Variants in NAV2 observed in about 807,000 individuals in gnomAD.
The protein encoded by NAV2 is helicase, APC down-regulated 1.
In NAV2, 54 loss-of-function variants were observed where a neutral mutation model predicts 223.2. The observed-to-expected ratio is 0.24, with a 90% CI of 0.19 to 0.30. The LOEUF (loss-of-function observed/expected upper bound fraction) is 0.30, where lower values mean the gene tolerates loss of function less well. Among genes scored for constraint, NAV2 ranks in the 10% least tolerant of loss-of-function variants. The probability of loss-of-function intolerance (pLI) is 1.00; values close to 1 mark genes in which losing one functional copy is unlikely to be tolerated. For missense variants in NAV2, 2,806 were observed against 3,147.5 expected (o/e 0.89, Z 2.60); for synonymous variants, 1,279 against 1,239.3 (o/e 1.03, Z -0.67).
At position 20,080,164 on chromosome 11, in the gene NAV2, C is replaced by T; in HGVS notation, c.5280C>T (p.Gly1760=). 1 of 1,613,968 alleles carries T rather than the reference C, an allele frequency of 6.2e-7. No homozygotes were observed. The highest frequency in any genetic ancestry group is 8.5e-7 in the Non-Finnish European group (1 of 1,179,916). Residue 1760 remains glycine, a synonymous_variant, in exon 25 of 38, where the codon GGC becomes GGT. Transcript: ENST00000349880. ...INSATSHSSV[G]SNIESDSKKK... ...GTGCCACCAGCCACTCCAGCGTGGG[C>T]AGCAACATAGAGAGTGACTCAAAGA...
chr11:19,799,188 G>A (rs1029071641), intron 1 of NAV2, among the ~76,000 whole-genome samples: 3 of 152,166 alleles, frequency 2.0e-5, no homozygotes, highest in Non-Finnish European at 2.9e-5. Flanking sequence ...GATTGAAAGC[G>A]TTCTTATGCC....
intron 1 of NAV2, 163 bp downstream of exon 1, chr11:19,714,125 TG>T: frequency 9.3e-7 from 1 of 1,075,672 alleles, no homozygotes; most frequent in Non-Finnish European, 1.3e-6. Context: ...GCGAGGAGAG[TG>T]GGCCGGCCGG....
chr11:19,531,212 G>A (rs908216740), intron 1 of NAV2, among the ~76,000 whole-genome samples: 9 of 152,134 alleles, frequency 5.9e-5, no homozygotes, highest in Admixed American at 1.3e-4. Flanking sequence ...ATTCTGGTAG[G>A]GGAAACAGAA....
chr11:20,048,039 A>G (rs10833230), intron 14 of NAV2, among the ~76,000 whole-genome samples: 150,959 of 152,322 alleles, frequency 0.99, 74,818 homozygotes, highest in East Asian at 1. Context: ...GACATAGAAT[A>G]GCATTTCTGT....
intron 1 of NAV2, among the ~76,000 whole-genome samples, chr11:19,487,403 T>A (rs1467921362): frequency 6.6e-6 from 1 of 152,150 alleles, no homozygotes; most frequent in Non-Finnish European, 1.5e-5. Context: ...TATTCACCCC[T>A]CGGGTAATCC....
intron 1 of NAV2, among the ~76,000 whole-genome samples, chr11:19,397,425 A>ACGCG (rs1491394658): frequency 7.1e-6 from 1 of 141,456 alleles, no homozygotes; most frequent in African/African-American, 2.6e-5. Flanking sequence ...GTGTGCGCGC[A>ACGCG]TGTGTGTGTA....
chr11:19,842,956 T>C, intron 3 of NAV2, 33 bp downstream of exon 3: 1 of 1,594,850 alleles, frequency 6.3e-7, no homozygotes, highest in Non-Finnish European at 8.6e-7. Context: ...ATGTTTGAGT[T>C]CTGTCAGCAA....
chr11:19,913,834 A>C (rs2043531882), intron 6 of NAV2, among the ~76,000 whole-genome samples: 1 of 152,108 alleles, frequency 6.6e-6, no homozygotes, highest in Admixed American at 6.6e-5. Flanking sequence ...GCCTTTTTTT[A>C]ACCCTGTGCC....
intron 33 of NAV2, 74 bp downstream of exon 33, chr11:20,103,483 G>T (rs1021810152): frequency 1.9e-6 from 3 of 1,560,498 alleles, no homozygotes; most frequent in Admixed American, 3.4e-5. Context: ...GTGCACACAG[G>T]TGGCCCGGGG....
intron 1 of NAV2, among the ~76,000 whole-genome samples, chr11:19,378,493 T>G (rs1848718865): frequency 6.6e-6 from 1 of 151,958 alleles, no homozygotes; most frequent in African/African-American, 2.4e-5. Flanking sequence ...ATAGATGCCA[T>G]GCACGGAATC....
intron 1 of NAV2, among the ~76,000 whole-genome samples, chr11:19,464,716 A>G (rs1396758819): frequency 1.3e-5 from 2 of 152,208 alleles, no homozygotes; most frequent in Non-Finnish European, 2.9e-5. Context: ...TGCCTTGTTA[A>G]CATGCCTTGT....
chr11:20,101,432 T>C (rs2061629827), intron 32 of NAV2, among the ~76,000 whole-genome samples: 1 of 152,210 alleles, frequency 6.6e-6, no homozygotes, highest in African/African-American at 2.4e-5. Context: ...ACCAAGAATT[T>C]ATCATGTGCG....
At chr11:19,483,775 A>G (rs1002836390) in intron 1 of NAV2, among the ~76,000 whole-genome samples, 1 of 152,204 alleles carries the variant, frequency 6.6e-6, no homozygotes, top group Non-Finnish European at 1.5e-5. Context: ...TACTATCCAC[A>G]GTTTCAGGCA....
intron 1 of NAV2, among the ~76,000 whole-genome samples, chr11:19,404,661 A>T (rs1849820011): frequency 6.6e-6 from 1 of 152,234 alleles, no homozygotes; most frequent in Admixed American, 6.5e-5. Flanking sequence ...ATTTTAAAAA[A>T]TTGTAAATGC....
rs533009315 is a variant in NAV2, at chr11:19,535,790, G to A, written c.75+184763G>A. Among the ~76,000 whole-genome samples, 57 of 152,278 alleles carry A rather than the reference G, an allele frequency of 3.7e-4. No individual in the cohort carries two copies. The South Asian group carries it at 6.6e-3, about 18-fold the overall frequency. Reference sequence around the variant, plus strand: ...AAGTTCTCAATTAACGCCCAACAGCGTGGGGATCCATCTTCTTGTGGTCCA... The same window carrying A: ...AAGTTCTCAATTAACGCCCAACAGCATGGGGATCCATCTTCTTGTGGTCCA... On this transcript the variant is annotated intron_variant, in intron 1 of 37. Coordinates refer to the NAV2 transcript ENST00000360655.
At chr11:19,835,980 T>G (rs2060205264) in intron 2 of NAV2, among the ~76,000 whole-genome samples, 1 of 152,106 alleles carries the variant, frequency 6.6e-6, no homozygotes, top group South Asian at 2.1e-4. Context: ...TCCCACCAGC[T>G]GCTGTCTTGG....
At chr11:19,694,863 C>A (rs910222339) in intron 1 of NAV2, among the ~76,000 whole-genome samples, 1 of 152,158 alleles carries the variant, frequency 6.6e-6, no homozygotes, top group East Asian at 1.9e-4. Context: ...GGAAAAAAGG[C>A]CTTTCTTGGG....
At chr11:19,473,784 C>G (rs1440325235) in intron 1 of NAV2, among the ~76,000 whole-genome samples, 1 of 152,238 alleles carries the variant, frequency 6.6e-6, no homozygotes, top group Non-Finnish European at 1.5e-5. Flanking sequence ...GTACATAACT[C>G]TGTCCCTTTC....
At chr11:19,529,916 C>A (rs149788432) in intron 1 of NAV2, among the ~76,000 whole-genome samples, 188 of 152,292 alleles carry the variant, frequency 1.2e-3, no homozygotes, top group African/African-American at 4.3e-3. Flanking sequence ...AACAAAACAT[C>A]TTTTTTACTA....
Sources: gnomAD v4.1 joint callset for allele counts (sites outside exome capture counted in the v4.1 genomes callset) on GRCh38, gnomAD v4.1.1 for gene constraint, MANE v1.5 for transcripts, NCBI Gene and HGNC (gene_info 2026-07-23, HGNC 2026-07-21) for gene names.